Variants in NEDD4L observed in about 807,000 individuals in gnomAD.
The protein encoded by NEDD4L is E3 ubiquitin-protein ligase NEDD4-like.
In NEDD4L, 54 loss-of-function variants were observed where a neutral mutation model predicts 148.9. That is an observed-to-expected ratio of 0.36 (90% CI 0.29 to 0.45). The LOEUF (loss-of-function observed/expected upper bound fraction) is 0.45. Among genes scored for constraint, NEDD4L ranks in the 20% least tolerant of loss-of-function variants. The pLI, the probability that NEDD4L is intolerant of heterozygous loss-of-function variation, is 1.00. For synonymous variants in NEDD4L, 433 were observed against 440.7 expected, an observed-to-expected ratio of 0.98 and a Z score of 0.22; for missense variants, 856 against 1,233.8, an observed-to-expected ratio of 0.69 and a Z score of 4.59.
intron 25 of NEDD4L, among the ~76,000 whole-genome samples, chr18:58,384,510 C>T (rs1487155748): frequency 6.6e-6 from 1 of 152,230 alleles, no homozygotes; most frequent in Admixed American, 6.5e-5. Flanking sequence ...TATTCTAGCT[C>T]AGGGTGACCC....
chr18:58,081,936 G>C (rs2083453277), intron 1 of NEDD4L, among the ~76,000 whole-genome samples: 1 of 151,636 alleles, frequency 6.6e-6, no homozygotes, highest in African/African-American at 2.4e-5. Context: ...ATCTCTCATT[G>C]TGTGTGATAG....
chr18:58,195,594 G>C, intron 2 of NEDD4L: 17 of 1,342,346 alleles, frequency 1.3e-5, no homozygotes, highest in Non-Finnish European at 1.6e-5. Flanking sequence ...CAGGCTGTTG[G>C]TTACCTGGCC....
chr18:58,200,713 T>C (rs1599639658), intron 2 of NEDD4L, among the ~76,000 whole-genome samples: 2 of 152,210 alleles, frequency 1.3e-5, no homozygotes, highest in Non-Finnish European at 2.9e-5. Context: ...TGAAAAGCAC[T>C]GGACTTACAG....
chr18:58,342,382 A>T (rs1198874576), intron 15 of NEDD4L, among the ~76,000 whole-genome samples: 3 of 152,192 alleles, frequency 2.0e-5, no homozygotes, highest in Non-Finnish European at 4.4e-5. Context: ...CCTAAGCTTG[A>T]CTGTGTCTTA....
chr18:58,262,390 A>G (rs1217125871), intron 5 of NEDD4L, among the ~76,000 whole-genome samples: 1 of 152,190 alleles, frequency 6.6e-6, no homozygotes, highest in Non-Finnish European at 1.5e-5. Flanking sequence ...GCACTTCCAG[A>G]GGCTGAGGCA....
intron 2 of NEDD4L, among the ~76,000 whole-genome samples, chr18:58,237,019 A>G (rs150384): frequency 0.51 from 76,955 of 149,696 alleles, 20,178 homozygotes; most frequent in African/African-American, 0.66. Context: ...GCGAAACTCC[A>G]TCTCAAATAA....
intron 1 of NEDD4L, among the ~76,000 whole-genome samples, chr18:58,112,809 A>G (rs1380822630): frequency 1.3e-5 from 2 of 152,160 alleles, no homozygotes; most frequent in African/African-American, 4.8e-5. Context: ...TACATTTTTA[A>G]TATAATGTGA....
chr18:58,304,531 A>C (rs2056853914), intron 5 of NEDD4L, among the ~76,000 whole-genome samples: 1 of 152,154 alleles, frequency 6.6e-6, no homozygotes. Context: ...AAAGAAAGAA[A>C]GAACATTTGT....
chr18:58,228,652 C>G (rs1410360379), intron 2 of NEDD4L, among the ~76,000 whole-genome samples: 1 of 152,178 alleles, frequency 6.6e-6, no homozygotes, highest in Non-Finnish European at 1.5e-5. Flanking sequence ...TTGGGATGGC[C>G]GGAGGGGGCC....
intron 18 of NEDD4L, 145 bp downstream of exon 18, chr18:58,351,190 C>A: frequency 6.7e-7 from 1 of 1,497,426 alleles, no homozygotes. Context: ...AGAATCAGTG[C>A]CTTCATACGG....
intron 30 of NEDD4L, among the ~76,000 whole-genome samples, chr18:58,392,729 G>A (rs765355974): frequency 2.0e-4 from 31 of 152,132 alleles, no homozygotes; most frequent in Non-Finnish European, 3.7e-4. Flanking sequence ...TATCCAAATG[G>A]TGTCCAAGTC....
At chr18:58,224,378 T>A (rs2044117183) in intron 2 of NEDD4L, among the ~76,000 whole-genome samples, 1 of 152,220 alleles carries the variant, frequency 6.6e-6, no homozygotes. Context: ...ATTAACTGGG[T>A]CCAGGAGTTT....
intron 1 of NEDD4L, among the ~76,000 whole-genome samples, chr18:58,158,559 C>T (rs2035795425): frequency 6.6e-6 from 1 of 152,280 alleles, no homozygotes; most frequent in Middle Eastern, 3.4e-3. Context: ...ATAATAGCAG[C>T]CATTACCCAG....
intron 1 of NEDD4L, among the ~76,000 whole-genome samples, chr18:58,155,865 G>A (rs2035426326): frequency 6.6e-6 from 1 of 152,198 alleles, no homozygotes; most frequent in Non-Finnish European, 1.5e-5. Flanking sequence ...CACATGGACT[G>A]TTCTCCTTGT....
intron 5 of NEDD4L, chr18:58,255,912 T>C: frequency 8.1e-7 from 1 of 1,231,906 alleles, no homozygotes; most frequent in Non-Finnish European, 1.0e-6. Flanking sequence ...AGCTCCTCCG[T>C]GCAGATCTCC....
At chr18:58,077,478 A>G (rs562205002) in intron 1 of NEDD4L, among the ~76,000 whole-genome samples, 21 of 152,174 alleles carry the variant, frequency 1.4e-4, no homozygotes, top group Admixed American at 1.3e-3. Context: ...TGTGATAGAC[A>G]TCGGTACAGT....
At chr18:58,348,217 C>T (rs1260850416) in intron 16 of NEDD4L, among the ~76,000 whole-genome samples, 1 of 151,620 alleles carries the variant, frequency 6.6e-6, no homozygotes, top group African/African-American at 2.4e-5. Context: ...AGGATGGTCT[C>T]GAACTCCTGG....
At chr18:58,116,622 A>G (rs1182822388) in intron 1 of NEDD4L, among the ~76,000 whole-genome samples, 1 of 152,256 alleles carries the variant, frequency 6.6e-6, no homozygotes, top group South Asian at 2.1e-4. Flanking sequence ...ACAGTTCACC[A>G]GAGAAATAAC....
At chr18:58,121,251 G>A (rs1402550964) in intron 1 of NEDD4L, among the ~76,000 whole-genome samples, 2 of 152,140 alleles carry the variant, frequency 1.3e-5, no homozygotes, top group African/African-American at 4.8e-5. Flanking sequence ...AGAGTGGGCT[G>A]TTATTTTAAC....
Sources: allele counts gnomAD v4.1 joint callset (sites outside exome capture counted in the v4.1 genomes callset), GRCh38; gene constraint gnomAD v4.1.1; transcripts MANE v1.5; gene names NCBI Gene and HGNC (gene_info 2026-07-23, HGNC 2026-07-21).